Variants in PBX1 observed in about 807,000 individuals in gnomAD.
The protein encoded by PBX1 is PBX homeobox 1, also known as pre-B-cell leukemia transcription factor 1.
A neutral mutation model predicts 53.4 loss-of-function variants in PBX1; 6 were observed. The ratio of observed to expected loss-of-function variants is 0.11; its 90% confidence interval spans 0.06 to 0.22. The LOEUF is 0.22. PBX1 is among the 10% of genes least tolerant of loss of function. PBX1 has a pLI of 1.00. For missense variants in PBX1, 251 were observed against 551.4 expected, an observed-to-expected ratio of 0.46 and a Z score of 5.46; for synonymous variants, 204 against 212.3, an observed-to-expected ratio of 0.96 and a Z score of 0.34.
intron 2 of PBX1, among the ~76,000 whole-genome samples, chr1:164,604,019 C>T (rs1411153559): frequency 2.8e-5 from 4 of 141,262 alleles, no homozygotes; most frequent in Admixed American, 7.4e-5. Context: ...CGGCTCACTG[C>T]AGCCTCTGCC....
chr1:164,660,220 C>T (rs1336706073), intron 2 of PBX1, among the ~76,000 whole-genome samples: 3 of 152,198 alleles, frequency 2.0e-5, no homozygotes, highest in Admixed American at 2.0e-4. Flanking sequence ...AGAAGGATTG[C>T]ACCTGGCTTT....
intron 3 of PBX1, among the ~76,000 whole-genome samples, chr1:164,796,858 T>C (rs1668810970): frequency 6.6e-6 from 1 of 152,184 alleles, no homozygotes. Context: ...TTTATTTAAT[T>C]AACAATTGTA....
intron 8 of PBX1, among the ~76,000 whole-genome samples, chr1:164,826,388 C>A (rs1010597256): frequency 5.3e-5 from 8 of 151,990 alleles, no homozygotes; most frequent in African/African-American, 1.9e-4. Flanking sequence ...TTAGGGTAAA[C>A]CTTTTTTGTT....
chr1:164,824,304 G>T (rs1670314275), intron 8 of PBX1, among the ~76,000 whole-genome samples: 1 of 152,138 alleles, frequency 6.6e-6, no homozygotes, highest in Admixed American at 6.5e-5. Flanking sequence ...GTATTATAAA[G>T]GGAGTTGGGA....
intron 2 of PBX1, among the ~76,000 whole-genome samples, chr1:164,665,954 A>T (rs2800776): frequency 0.85 from 129,097 of 152,114 alleles, 56,307 homozygotes; most frequent in Non-Finnish European, 0.96. Flanking sequence ...GGCCTTGAGA[A>T]GATGGGACTT....
chr1:164,731,357 C>T (rs143829460), intron 2 of PBX1, among the ~76,000 whole-genome samples: 1 of 151,772 alleles, frequency 6.6e-6, no homozygotes, highest in Non-Finnish European at 1.5e-5. Flanking sequence ...TGATTTCAGC[C>T]TGTCACTTGA....
chr1:164,770,229 T>G (rs1229694579), intron 2 of PBX1: 1 of 152,246 alleles, frequency 6.6e-6, no homozygotes, highest in East Asian at 1.9e-4. Flanking sequence ...GTCCGTGTCT[T>G]AGCCCTCCCA....
chr1:164,582,504 C>T (rs1197423578), intron 2 of PBX1, among the ~76,000 whole-genome samples: 1 of 151,524 alleles, frequency 6.6e-6, no homozygotes, highest in East Asian at 1.9e-4. Flanking sequence ...CTCACTGCAA[C>T]CTCTGCCTCC....
At chr1:164,674,948 G>A (rs965320372) in intron 2 of PBX1, 4 of 143,352 alleles carry the variant, frequency 2.8e-5, no homozygotes, top group African/African-American at 1.0e-4. Context: ...CTTTAGCATG[G>A]TGCTTATAGT....
chr1:164,825,865 T>C (rs1670434389), intron 8 of PBX1, among the ~76,000 whole-genome samples: 1 of 152,190 alleles, frequency 6.6e-6, no homozygotes, highest in African/African-American at 2.4e-5. Flanking sequence ...TAGCCATGCA[T>C]GTAGCAACAT....
chr1:164,778,787 C>T (rs1667792674), intron 2 of PBX1, among the ~76,000 whole-genome samples: 1 of 152,168 alleles, frequency 6.6e-6, no homozygotes, highest in Non-Finnish European at 1.5e-5. Context: ...GGCCTTCATC[C>T]CGTGAAACTC....
At chr1:164,648,973 G>C (rs1284600246) in intron 2 of PBX1, among the ~76,000 whole-genome samples, 1 of 152,186 alleles carries the variant, frequency 6.6e-6, no homozygotes, top group Non-Finnish European at 1.5e-5. Context: ...TGGTATCACA[G>C]TTTTGTGATT....
intron 2 of PBX1, among the ~76,000 whole-genome samples, chr1:164,643,168 A>G (rs1659245607): frequency 6.6e-6 from 1 of 152,342 alleles, no homozygotes; most frequent in African/African-American, 2.4e-5. Flanking sequence ...TCATCCATCA[A>G]GGCACTGCTG....
intron 8 of PBX1, among the ~76,000 whole-genome samples, chr1:164,843,713 C>G (rs1671420126): frequency 6.6e-6 from 1 of 151,884 alleles, no homozygotes; most frequent in South Asian, 2.1e-4. Flanking sequence ...TTCTCTATAC[C>G]CCCTAACATC....
chr1:164,808,708 C>G (rs1669467728), intron 5 of PBX1, among the ~76,000 whole-genome samples: 1 of 152,188 alleles, frequency 6.6e-6, no homozygotes, highest in Admixed American at 6.5e-5. Context: ...CTGTGTTTAG[C>G]TGTACAGAAT....
intron 2 of PBX1, among the ~76,000 whole-genome samples, chr1:164,649,471 C>T (rs1659659220): frequency 6.6e-6 from 1 of 152,144 alleles, no homozygotes; most frequent in African/African-American, 2.4e-5. Flanking sequence ...ATCCTCCCAA[C>T]CCCTTGAAAA....
At chr1:164,668,366 T>C (rs1660925037) in intron 2 of PBX1, among the ~76,000 whole-genome samples, 2 of 152,192 alleles carry the variant, frequency 1.3e-5, no homozygotes, top group Admixed American at 1.3e-4. Flanking sequence ...GGTCAGACTT[T>C]ACTCCTGTAG....
At chr1:164,843,063 G>A (rs1571514092) in intron 8 of PBX1, among the ~76,000 whole-genome samples, 1 of 152,058 alleles carries the variant, frequency 6.6e-6, no homozygotes, top group South Asian at 2.1e-4. Context: ...GGCAGTAAGC[G>A]AGGTCAGCTG....
At chr1:164,784,545 C>T (rs1453072370) in intron 2 of PBX1, among the ~76,000 whole-genome samples, 3 of 152,170 alleles carry the variant, frequency 2.0e-5, no homozygotes, top group Admixed American at 1.3e-4. Flanking sequence ...CTAAAGACAA[C>T]CACAAAACAT....
Sources: gnomAD v4.1 joint callset for allele counts (sites outside exome capture counted in the v4.1 genomes callset) on GRCh38, gnomAD v4.1.1 for gene constraint, MANE v1.5 for transcripts, NCBI Gene and HGNC (gene_info 2026-07-23, HGNC 2026-07-21) for gene names.